Variants in STK39 observed in about 807,000 individuals in gnomAD.
STK39 encodes the protein serine/threonine kinase 39.
A neutral mutation model predicts 77.8 loss-of-function variants in STK39; 20 were observed. The observed-to-expected ratio is 0.26, with a 90% confidence interval of 0.18 to 0.37. The LOEUF is 0.37. Ranked by LOEUF, STK39 falls within the 10% of genes least tolerant of loss-of-function variation. The pLI, the probability that STK39 is intolerant of heterozygous loss-of-function variation, is 1.00. For missense variants in STK39, 479 were observed against 656.5 expected (o/e 0.73, Z 2.95); for synonymous variants, 246 against 234.1 (o/e 1.05, Z -0.47).
chr2:168,239,539 T>C (rs1019669093), intron 1 of STK39, among the ~76,000 whole-genome samples: 10 of 152,316 alleles, frequency 6.6e-5, no homozygotes, highest in South Asian at 2.1e-4. Context: ...TTTAAGCTGA[T>C]TGGCCCAAAC....
At chr2:168,235,989 C>A (rs1435649957) in intron 1 of STK39, among the ~76,000 whole-genome samples, 1 of 151,972 alleles carries the variant, frequency 6.6e-6, no homozygotes, top group Non-Finnish European at 1.5e-5. Context: ...ATGGCTGGGT[C>A]AAATGGTATT....
chr2:168,141,194 T>C (rs1387001582), intron 5 of STK39, among the ~76,000 whole-genome samples: 1 of 152,226 alleles, frequency 6.6e-6, no homozygotes, highest in Non-Finnish European at 1.5e-5. Flanking sequence ...TCATTATATA[T>C]AGAAGTTAAT....
intron 14 of STK39, among the ~76,000 whole-genome samples, chr2:168,055,291 C>T (rs1685495135): frequency 6.6e-6 from 1 of 152,206 alleles, no homozygotes; most frequent in East Asian, 1.9e-4. Context: ...CATACTCATG[C>T]TAAAACAATG....
intron 1 of STK39, among the ~76,000 whole-genome samples, chr2:168,201,264 C>T (rs1002109325): frequency 2.0e-5 from 3 of 152,198 alleles, no homozygotes; most frequent in African/African-American, 7.2e-5. Flanking sequence ...TCGCAGCCCA[C>T]GCTGCAGAGG....
At chr2:168,235,730 T>C (rs1038824729) in intron 1 of STK39, among the ~76,000 whole-genome samples, 2 of 151,764 alleles carry the variant, frequency 1.3e-5, no homozygotes, top group African/African-American at 4.8e-5. Context: ...CTGCAATAGT[T>C]TGCTGAGAAT....
intron 1 of STK39, among the ~76,000 whole-genome samples, chr2:168,187,088 C>A (rs1689228349): frequency 1.3e-5 from 2 of 152,310 alleles, no homozygotes; most frequent in South Asian, 4.1e-4. Flanking sequence ...CATGGTGGCT[C>A]ACGCCTGTAA....
Position 168,093,906 on chromosome 2 carries a change from C to T in STK39, c.1090-18675G>A, listed in dbSNP as rs1415441385. On this transcript the variant is annotated intron_variant, in intron 10 of 17. Transcript: ENST00000355999. ...CACTTTTTGCTCTGGCTCCTGCCCA[C>T]CTCTGCATATCTTCCCTCTATTTCA... Among the ~76,000 whole-genome samples, 3 of 152,216 alleles carry T rather than the reference C, an allele frequency of 2.0e-5. No homozygotes were observed. In the East Asian group the frequency reaches 5.8e-4, roughly 29 times the overall value.
chr2:167,970,552 C>G (rs1453700297), intron 16 of STK39, among the ~76,000 whole-genome samples: 5 of 152,218 alleles, frequency 3.3e-5, no homozygotes, highest in African/African-American at 1.2e-4. Context: ...AAGAACTATT[C>G]CTGTTTTGGA....
chr2:168,173,578 T>C lies in STK39; in HGVS notation c.322-6171A>G, dbSNP rs995778246. On this transcript the variant is annotated intron_variant, in intron 2 of 17. Transcript: ENST00000355999. ...TTATATTTATTTATTCATTTTGAGATGGAGTTTTGCTCCTTGTTGCCCAGG... is the reference window on the plus strand; with the variant it reads ...TTATATTTATTTATTCATTTTGAGACGGAGTTTTGCTCCTTGTTGCCCAGG... Among the ~76,000 whole-genome samples the C allele has an allele frequency of 3.9e-5, 6 of 152,314 alleles. No individual in the cohort carries two copies. The East Asian group carries it at 9.6e-4, about 24-fold the overall frequency.
chr2:168,196,622 C>T (rs1689475449), intron 1 of STK39, among the ~76,000 whole-genome samples: 1 of 152,222 alleles, frequency 6.6e-6, no homozygotes, highest in Admixed American at 6.5e-5. Context: ...TGCCACTGCA[C>T]TCCAGAGCAA....
chr2:168,213,686 A>AT (rs1164220849), intron 1 of STK39, among the ~76,000 whole-genome samples: 2 of 124,634 alleles, frequency 1.6e-5, no homozygotes, highest in African/African-American at 3.7e-5. Flanking sequence ...AGCCAGCCAT[A>AT]TTTAAAAAAA....
At chr2:168,116,752 G>C (rs755588652) in intron 10 of STK39, among the ~76,000 whole-genome samples, 9 of 151,996 alleles carry the variant, frequency 5.9e-5, no homozygotes, top group Non-Finnish European at 1.2e-4. Context: ...TCCTTTCCCC[G>C]TGATGCATAA....
intron 14 of STK39, among the ~76,000 whole-genome samples, chr2:168,018,327 C>T (rs1574396266): frequency 6.6e-6 from 1 of 151,910 alleles, no homozygotes; most frequent in South Asian, 2.1e-4. Flanking sequence ...TGGTGAAACC[C>T]CATCTCTACT....
chr2:168,143,894 G>A (rs562118754), intron 5 of STK39, among the ~76,000 whole-genome samples: 31 of 152,124 alleles, frequency 2.0e-4, no homozygotes, highest in Non-Finnish European at 4.0e-4. Context: ...CATTGCCCTT[G>A]CACATGATGC....
At chr2:168,161,896 T>C (rs1309924491) in intron 4 of STK39, 54 bp from the exon 5 acceptor site, 2 of 1,334,418 alleles carry the variant, frequency 1.5e-6, no homozygotes, top group East Asian at 2.4e-5. Context: ...TTATAGTGTA[T>C]TGATTCACTC....
chr2:168,082,023 A>T (rs1407301347), intron 10 of STK39, among the ~76,000 whole-genome samples: 1 of 152,146 alleles, frequency 6.6e-6, no homozygotes, highest in African/African-American at 2.4e-5. Context: ...GCGCAAAAAC[A>T]TACTAACACA....
In STK39 at chr2:168,217,315, G is replaced by A. The variant is rs77928144; in HGVS notation, c.208+29913C>T. Among the ~76,000 whole-genome samples, 241 of 152,246 alleles carry A rather than the reference G, an allele frequency of 1.6e-3. 1 individual carries two copies. The highest frequency in any genetic ancestry group is 5.4e-3 in the African/African-American group (226 of 41,526). On this transcript the variant is annotated intron_variant, in intron 1 of 17. Coordinates refer to ENST00000355999, the MANE Select transcript of STK39 (RefSeq NM_013233.3). ...GGAGGAGGAGATTCAGATTCAGCAT[G>A]AATTAGAAAACCCCAATTTCTATCA...
Position 168,140,713 on chromosome 2 carries a change from C to T in STK39, c.674G>A (p.Arg225Gln). Residue 225 changes from arginine (R) to glutamine (Q), a missense_variant, in exon 6 of 18, where the codon CGA (arginine) becomes CAA (glutamine). Around this residue, in one of 3 missense-constraint regions of STK39, gnomAD observed 139 missense variants for 280.6 expected, o/e 0.50. Coordinates refer to ENST00000355999, the MANE Select transcript of STK39 (RefSeq NM_013233.3). ...AACGAATGTTTTTCTTACTTTATTT[C>T]GGGTAACATCACCCCCTGTTGCTAG... Reference protein sequence around the residue: ...AFLATGGDVTRNKVRKTFVGT... With the variant: ...AFLATGGDVTQNKVRKTFVGT... 3.7e-6 allele frequency: 6 copies of T among 1,611,358 alleles called. No homozygotes were observed. The highest frequency in any genetic ancestry group is 4.2e-6 in the Non-Finnish European group (5 of 1,178,008).
chr2:168,037,217 AG>A (rs1022472389), intron 14 of STK39, among the ~76,000 whole-genome samples: 4 of 152,346 alleles, frequency 2.6e-5, no homozygotes, highest in Admixed American at 2.0e-4. Context: ...GGCTCTGCAA[AG>A]ATGCAAAATA....
Sources: allele counts gnomAD v4.1 joint callset (sites outside exome capture counted in the v4.1 genomes callset), GRCh38; gene constraint gnomAD v4.1.1; regional missense constraint gnomAD v4.1.1; transcripts MANE v1.5; gene names NCBI Gene and HGNC (gene_info 2026-07-23, HGNC 2026-07-21).